EYS: variants seen among roughly 807,000 people sequenced by gnomAD.
EYS encodes the protein protein eyes shut homolog.
EYS carries 250 observed loss-of-function variants against 282.1 expected under a neutral mutation model. That is an observed-to-expected ratio of 0.89 (90% CI 0.80 to 0.98). The LOEUF is 0.98. Among genes scored for constraint, EYS ranks in the 50% least tolerant of loss-of-function variants. EYS has a pLI of 0.00. For missense variants in EYS, 4,016 were observed against 3,709.0 expected, an observed-to-expected ratio of 1.08 and a Z score of -2.15; for synonymous variants, 1,355 against 1,282.9, an observed-to-expected ratio of 1.06 and a Z score of -1.20.
At chr6:64,333,261 T>A (rs1422578856) in intron 29 of EYS, among the ~76,000 whole-genome samples, 4 of 151,958 alleles carry the variant, frequency 2.6e-5, no homozygotes, top group Non-Finnish European at 4.4e-5. Context: ...GAAACTGGGG[T>A]CGGCAAACTT....
intron 29 of EYS, among the ~76,000 whole-genome samples, chr6:64,348,854 C>T (rs997529266): frequency 2.6e-5 from 4 of 151,466 alleles, no homozygotes; most frequent in Admixed American, 6.6e-5. Flanking sequence ...GTCTTATTTA[C>T]CATCCTTTTA....
intron 5 of EYS, among the ~76,000 whole-genome samples, chr6:65,432,970 C>T (rs1767940759): frequency 6.6e-6 from 1 of 151,874 alleles, no homozygotes; most frequent in Non-Finnish European, 1.5e-5. Context: ...GGAAGATAGA[C>T]TGGTAATTAA....
At chr6:65,521,600 A>T (rs1363583487) in intron 2 of EYS, among the ~76,000 whole-genome samples, 1 of 152,180 alleles carries the variant, frequency 6.6e-6, no homozygotes, top group Non-Finnish European at 1.5e-5. Context: ...CATATAAAAA[A>T]ATCTACATTA....
chr6:65,694,658 G>GTT (rs963824201), intron 1 of EYS, among the ~76,000 whole-genome samples: 2 of 148,488 alleles, frequency 1.3e-5, no homozygotes, highest in African/African-American at 4.9e-5. Flanking sequence ...ACACTGACTG[G>GTT]TTATTTCACC....
chr6:63,947,658 A>C (rs1209475879), intron 35 of EYS, among the ~76,000 whole-genome samples: 2 of 152,130 alleles, frequency 1.3e-5, no homozygotes, highest in African/African-American at 4.8e-5. Flanking sequence ...ATAATCAACT[A>C]TTTCCTGTAT....
chr6:64,736,268 G>A (rs1332893235), intron 22 of EYS, among the ~76,000 whole-genome samples: 2 of 151,868 alleles, frequency 1.3e-5, no homozygotes, highest in East Asian at 3.9e-4. Context: ...ATAAAAATGA[G>A]ATACTTAAAT....
intron 28 of EYS, among the ~76,000 whole-genome samples, chr6:64,413,631 G>A (rs1353361874): frequency 2.7e-5 from 4 of 150,326 alleles, no homozygotes; most frequent in South Asian, 2.1e-4. Flanking sequence ...AGAAAATATC[G>A]TAAAGGTTAG....
At chr6:64,430,410 G>T (rs1161271381) in intron 28 of EYS, among the ~76,000 whole-genome samples, 1 of 152,118 alleles carries the variant, frequency 6.6e-6, no homozygotes, top group African/African-American at 2.4e-5. Flanking sequence ...TTTAAAACAT[G>T]TAATCTGACA....
intron 12 of EYS, among the ~76,000 whole-genome samples, chr6:65,093,190 C>A (rs1774625131): frequency 6.6e-6 from 1 of 151,918 alleles, no homozygotes; most frequent in Non-Finnish European, 1.5e-5. Context: ...ATATTATCCC[C>A]AGTAAACCTG....
chr6:65,086,637 C>A (rs1034963265), intron 12 of EYS, among the ~76,000 whole-genome samples: 7 of 151,894 alleles, frequency 4.6e-5, no homozygotes, highest in African/African-American at 1.7e-4. Context: ...TTAGATTATG[C>A]GATACTGGTA....
At chr6:64,272,833 C>T (rs1357529088) in intron 30 of EYS, among the ~76,000 whole-genome samples, 4 of 152,034 alleles carry the variant, frequency 2.6e-5, no homozygotes, top group South Asian at 2.1e-4. Context: ...TATAATCTTA[C>T]ACATGTTGTA....
At chr6:65,170,932 A>AT (rs1765090789) in intron 12 of EYS, among the ~76,000 whole-genome samples, 1 of 151,382 alleles carries the variant, frequency 6.6e-6, no homozygotes, top group Non-Finnish European at 1.5e-5. Context: ...TTTTCACCAC[A>AT]TTTTTCTCAA....
intron 35 of EYS, among the ~76,000 whole-genome samples, chr6:63,904,845 A>G (rs995414464): frequency 1.6e-4 from 24 of 152,234 alleles, no homozygotes; most frequent in African/African-American, 5.8e-4. Flanking sequence ...AAATTTTTGT[A>G]TGAGTCAAAC....
chr6:63,891,488 C>A (rs551034784), intron 35 of EYS, among the ~76,000 whole-genome samples: 2 of 152,282 alleles, frequency 1.3e-5, no homozygotes, highest in South Asian at 4.2e-4. Context: ...AAAAAAACCA[C>A]ATGATTATCT....
Position 64,344,296 on chromosome 6 carries a change from C to T in EYS, c.6079-37214G>A, listed in dbSNP as rs546567093. 2.2e-3 allele frequency among the ~76,000 whole-genome samples: 331 copies of T among 152,036 alleles called. 6 individuals carry two copies. Among genetic ancestry groups the T allele is most frequent in the Admixed American group, 0.019 (296 of 15,250 alleles). ...CCAATATCCTTGATGAACATTGATGCAAAAATCCTCAATAAAATACTGGCA... is the reference window on the plus strand; with the variant it reads ...CCAATATCCTTGATGAACATTGATGTAAAAATCCTCAATAAAATACTGGCA... On this transcript the variant is annotated intron_variant, in intron 29 of 42. Transcript: ENST00000503581.
chr6:65,122,222 T>C (rs1399191335), intron 12 of EYS, among the ~76,000 whole-genome samples: 1 of 152,130 alleles, frequency 6.6e-6, no homozygotes, highest in African/African-American at 2.4e-5. Flanking sequence ...GAAATGAATA[T>C]ACTAAAAAAG....
chr6:64,376,140 T>C (rs572806422), intron 29 of EYS, among the ~76,000 whole-genome samples: 1 of 152,298 alleles, frequency 6.6e-6, no homozygotes, highest in East Asian at 1.9e-4. Context: ...AAAGTGCTGA[T>C]TGCAGTAAAA....
rs544041570 is a variant in EYS, at chr6:65,685,780, T to G, written c.-448+21355A>C. The stretch of plus-strand genomic sequence containing the variant: ...TTTCCTTTGTAATCTATATCTTTTA[T>G]GTACTGAATGAGTCATTCACATTCT... On this transcript the variant is annotated intron_variant, in intron 1 of 42. Coordinates refer to ENST00000503581, the MANE Select transcript of EYS (RefSeq NM_001142800.2). Among the ~76,000 whole-genome samples, 6 of 152,204 alleles carry G rather than the reference T, an allele frequency of 3.9e-5. 1 individual carries two copies. Among genetic ancestry groups the G allele is most frequent in the African/African-American group, 1.4e-4 (6 of 41,574 alleles).
At position 63,806,696 on chromosome 6, in the gene EYS, A is replaced by G. The variant is rs76418647; in HGVS notation, c.7229-324T>C. The stretch of plus-strand genomic sequence containing the variant: ...TAGAAAAGATTACTGGCAGCCAAAC[A>G]AAGTATTTACTCAGGTGCCTCGTAA... On this transcript the variant is annotated intron_variant, in intron 36 of 42. Coordinates refer to ENST00000503581, the MANE Select transcript of EYS (RefSeq NM_001142800.2). The G allele has an allele frequency of 5.0e-3, 874 of 173,608 alleles. 7 individuals carry two copies. The highest frequency in any genetic ancestry group is 0.019 in the African/African-American group (805 of 42,384). The allele number at this position is 173,608 out of a possible 1,614,324, so 10.8% of individuals were successfully genotyped here. A position where few individuals can be genotyped will look rare whatever the true frequency, so the allele number is the denominator to read the frequency against.
Sources: allele counts gnomAD v4.1 joint callset (sites outside exome capture counted in the v4.1 genomes callset), GRCh38; gene constraint gnomAD v4.1.1; transcripts MANE v1.5; gene names NCBI Gene and HGNC (gene_info 2026-07-23, HGNC 2026-07-21).